TMEM9B: variants seen among roughly 807,000 people sequenced by gnomAD.
TMEM9B encodes TMEM9 domain family member B.
A neutral mutation model predicts 23.5 loss-of-function variants in TMEM9B; 8 were observed. That is an observed-to-expected ratio of 0.34 (90% confidence interval 0.20 to 0.61). The LOEUF is 0.61. Among genes scored for constraint, TMEM9B ranks in the 20% least tolerant of loss-of-function variants. The pLI, the probability that TMEM9B is intolerant of heterozygous loss-of-function variation, is 0.78. For missense variants in TMEM9B, 197 were observed against 252.3 expected (o/e 0.78, Z 1.49); for synonymous variants, 106 against 96.3 (o/e 1.10, Z -0.59).
At chr11:8,960,138 G>GTTTTT (rs10550659) in intron 2 of TMEM9B, among the ~76,000 whole-genome samples, 4 of 83,684 alleles carry the variant, frequency 4.8e-5, no homozygotes, top group African/African-American at 1.3e-4. Flanking sequence ...CTTTGTTTCT[G>GTTTTT]TTTTTTTTTT....
intron 2 of TMEM9B, 148 bp downstream of exon 2, chr11:8,961,944 T>C (rs1174849556): frequency 1.1e-5 from 6 of 558,998 alleles, no homozygotes; most frequent in Non-Finnish European, 1.8e-5. Flanking sequence ...GGCCTCACTC[T>C]CACTTTTTCA....
intron 1 of TMEM9B, 52 bp downstream of exon 1, chr11:8,964,157 G>A (rs1854140118): frequency 6.5e-7 from 1 of 1,530,906 alleles, no homozygotes; most frequent in East Asian, 2.5e-5. Flanking sequence ...TTTCCGCAAG[G>A]CCGGTGGTAG....
At chr11:8,958,306 C>T (rs1428245699) in intron 2 of TMEM9B, among the ~76,000 whole-genome samples, 1 of 143,432 alleles carries the variant, frequency 7.0e-6, no homozygotes, top group African/African-American at 2.6e-5. Context: ...ACTAAAAATA[C>T]AAAAAATTAT....
intron 1 of TMEM9B, among the ~76,000 whole-genome samples, chr11:8,962,504 G>A (rs1347016): frequency 0.59 from 90,234 of 152,048 alleles, 27,163 homozygotes; most frequent in East Asian, 0.77. Flanking sequence ...AAAGACACAT[G>A]GTAAGCAGAT....
chr11:8,952,818 G>A (rs1479990052), intron 4 of TMEM9B: 1 of 400,592 alleles, frequency 2.5e-6, no homozygotes, highest in African/African-American at 2.0e-5. Flanking sequence ...CACTTCCCTT[G>A]ATGAAAACCT....
chr11:8,961,300 G>A (rs145000015), intron 2 of TMEM9B, among the ~76,000 whole-genome samples: 133 of 152,288 alleles, frequency 8.7e-4, no homozygotes, highest in African/African-American at 3.0e-3. Flanking sequence ...TCAGATACAC[G>A]TGAAAGCTCC....
At chr11:8,961,467 T>C (rs943086665) in intron 2 of TMEM9B, among the ~76,000 whole-genome samples, 1 of 152,200 alleles carries the variant, frequency 6.6e-6, no homozygotes, top group Non-Finnish European at 1.5e-5. Flanking sequence ...GAAAAAGCTA[T>C]TTGTCAGGTC....
At position 8,964,333 on chromosome 11, in the gene TMEM9B, C is replaced by G; in HGVS notation, c.-20G>C. On this transcript the variant is annotated 5_prime_UTR_variant, in exon 1 of 5. Coordinates refer to ENST00000534025, the MANE Select transcript of TMEM9B (RefSeq NM_020644.3). ...CGCCATCGCTGGGGGCCCAGCGGTC[C>G]CACAGCCCGGAGCCCCCGCGACCGG... 2.6e-6 allele frequency: 4 copies of G among 1,551,780 alleles called. No individual in the cohort carries two copies. The highest frequency in any genetic ancestry group is 3.5e-4 in the Middle Eastern group (2 of 5,762).
chr11:8,961,069 C>CATA (rs372430236), intron 2 of TMEM9B, among the ~76,000 whole-genome samples: 5,798 of 152,268 alleles, frequency 0.038, 137 homozygotes, highest in Non-Finnish European at 0.059. Flanking sequence ...TATGACACCA[C>CATA]TTACAGTGGA....
chr11:8,950,038 T>C (rs1461898593), intron 4 of TMEM9B, among the ~76,000 whole-genome samples: 1 of 151,862 alleles, frequency 6.6e-6, no homozygotes, highest in East Asian at 1.9e-4. Flanking sequence ...AGCTGGGACC[T>C]ATAGCCTATT....
chr11:8,960,895 G>C (rs2134876227), intron 2 of TMEM9B, among the ~76,000 whole-genome samples: 1 of 152,160 alleles, frequency 6.6e-6, no homozygotes, highest in African/African-American at 2.4e-5. Flanking sequence ...CTGTTGGCCA[G>C]GCTGGTCTCG....
At position 8,964,341 on chromosome 11, in the gene TMEM9B, C is replaced by T. The variant is rs1589950541; in HGVS notation, c.-28G>A. Reference sequence around the variant, plus strand: ...CTGGGGGCCCAGCGGTCCCACAGCCCGGAGCCCCCGCGACCGGCTCCCGGC... The same window carrying T: ...CTGGGGGCCCAGCGGTCCCACAGCCTGGAGCCCCCGCGACCGGCTCCCGGC... On this transcript the variant is annotated 5_prime_UTR_variant, in exon 1 of 5. Coordinates refer to ENST00000534025, the MANE Select transcript of TMEM9B (RefSeq NM_020644.3). 6.5e-7 allele frequency: 1 copy of T among 1,544,940 alleles called. No individual in the cohort carries two copies. The highest frequency in any genetic ancestry group is 2.5e-5 in the East Asian group (1 of 40,696).
intron 4 of TMEM9B, among the ~76,000 whole-genome samples, chr11:8,951,404 TAATC>T (rs947707631): frequency 6.6e-6 from 1 of 152,168 alleles, no homozygotes; most frequent in South Asian, 2.1e-4. Flanking sequence ...TCCAATATAA[TAATC>T]CACGAGAAAA....
rs367875580 is a variant in TMEM9B at position 8,960,633 on chromosome 11, GAATA to G, written c.197+1455_197+1458del. ...GATAACAGAATAAACTGTAAGCACT[GAATA>G]AATTTGGAAAATTTATAGAAGTAAC... is the stretch of plus-strand genomic sequence containing the variant. On this transcript the variant is annotated intron_variant, in intron 2 of 4. Coordinates refer to ENST00000534025, the MANE Select transcript of TMEM9B (RefSeq NM_020644.3). Among the ~76,000 whole-genome samples, 1,353 of 151,628 alleles carry G rather than the reference GAATA, an allele frequency of 8.9e-3. 18 individuals are homozygous for G. The highest frequency in any genetic ancestry group is 0.029 in the African/African-American group (1,215 of 41,368).
chr11:8,962,854 T>A (rs900328096), intron 1 of TMEM9B: 2 of 152,242 alleles, frequency 1.3e-5, no homozygotes, highest in Admixed American at 1.3e-4. Flanking sequence ...ACTAAGTATC[T>A]GGATAGAGAA....
At chr11:8,955,490 G>A (rs971237192) in intron 3 of TMEM9B, among the ~76,000 whole-genome samples, 3 of 152,052 alleles carry the variant, frequency 2.0e-5, no homozygotes, top group Non-Finnish European at 4.4e-5. Flanking sequence ...GCAACTAGAC[G>A]GTCCCATATG....
At chr11:8,961,630 T>C (rs1352184447) in intron 2 of TMEM9B, among the ~76,000 whole-genome samples, 12 of 152,238 alleles carry the variant, frequency 7.9e-5, no homozygotes, top group South Asian at 2.1e-4. Context: ...TCTGACTACA[T>C]AGCTCATTTC....
At chr11:8,953,459 T>A in intron 3 of TMEM9B, 122 bp from the exon 4 acceptor site, 1 of 911,830 alleles carries the variant, frequency 1.1e-6, no homozygotes, top group South Asian at 1.8e-5. Context: ...ACAAACCAGA[T>A]AGCAATATAA....
rs760980883 is a variant in TMEM9B, at chr11:8,952,247, T to TACAC, written c.441+955_441+956insGTGT. 2.4e-3 allele frequency among the ~76,000 whole-genome samples: 92 copies of TACAC among 38,984 alleles called. 1 individual carries two copies. In the East Asian group the frequency reaches 0.038, roughly 16 times the overall value. The allele number at this position is 38,984 out of a possible 152,430, so 25.6% of individuals were successfully genotyped here. A position where few individuals can be genotyped will look rare whatever the true frequency, so the allele number is the denominator to read the frequency against. On this transcript the variant is annotated intron_variant, in intron 4 of 4. Transcript: ENST00000534025. Reference sequence around the variant, plus strand: ...CAATTTATACAGATTATGCCAACTATATACACACACACACACACACACACA... The same window carrying TACAC: ...CAATTTATACAGATTATGCCAACTATACACATACACACACACACACACACACACA...
Sources: allele counts gnomAD v4.1 joint callset (sites outside exome capture counted in the v4.1 genomes callset), GRCh38; gene constraint gnomAD v4.1.1; transcripts MANE v1.5; gene names NCBI Gene and HGNC (gene_info 2026-07-23, HGNC 2026-07-21).